The following CDC16 variants were observed in gnomAD, a reference collection of about 807,000 sequenced individuals.
The protein encoded by CDC16 is cell division cycle 16, also known as cell division cycle protein 16 homolog.
Under a neutral mutation model 87.0 loss-of-function variants are expected in CDC16, and 34 were observed. The observed-to-expected ratio is 0.39, with a 90% CI of 0.30 to 0.52. CDC16 has a LOEUF of 0.52. Among genes scored for constraint, CDC16 ranks in the 20% least tolerant of loss-of-function variants. CDC16 has a pLI of 0.74. For missense variants in CDC16, 653 were observed against 751.9 expected, an observed-to-expected ratio of 0.87 and a Z score of 1.54; for synonymous variants, 263 against 260.6, an observed-to-expected ratio of 1.01 and a Z score of -0.09.
intron 11 of CDC16, among the ~76,000 whole-genome samples, chr13:114,249,836 A>G (rs1180325257): frequency 6.6e-6 from 1 of 152,206 alleles, no homozygotes; most frequent in Admixed American, 6.5e-5. Flanking sequence ...TAGAATGCTA[A>G]TGGGTTTTGC....
chr13:114,259,051 A>G lies in CDC16; in HGVS notation c.1251-284A>G, dbSNP rs574110696. Among the ~76,000 whole-genome samples, 15 of 150,832 alleles carry G rather than the reference A, an allele frequency of 9.9e-5. No individual in the cohort carries two copies. In the East Asian group the frequency reaches 2.2e-3, roughly 22 times the overall value. On this transcript the variant is annotated intron_variant, in intron 13 of 17. Transcript: ENST00000356221. ...GAGGCAGAGGCTGCAGTGAGCTGAG[A>G]TCGCACCACTGCACTCCAGCCTAGG... is the stretch of plus-strand genomic sequence containing the variant.
At chr13:114,263,162 C>G (rs1050430217) in intron 16 of CDC16, 148 bp downstream of exon 16, 1 of 695,612 alleles carries the variant, frequency 1.4e-6, no homozygotes, top group African/African-American at 1.8e-5. Context: ...CAGAGAAAAG[C>G]ATGTGGGTGT....
chr13:114,245,538 G>A (rs1410191726), intron 9 of CDC16, among the ~76,000 whole-genome samples: 1 of 152,202 alleles, frequency 6.6e-6, no homozygotes, highest in Non-Finnish European at 1.5e-5. Flanking sequence ...GGTTGGAAAT[G>A]CAGCATCTCC....
intron 17 of CDC16, among the ~76,000 whole-genome samples, chr13:114,270,914 C>G (rs923505342): frequency 9.9e-6 from 1 of 101,140 alleles, no homozygotes; most frequent in Non-Finnish European, 1.9e-5. Context: ...AGAGATTTAC[C>G]TTTTTTTTTT....
At chr13:114,235,238 TG>T in intron 1 of CDC16, 106 bp downstream of exon 1, 1 of 798,112 alleles carries the variant, frequency 1.3e-6, no homozygotes, top group Middle Eastern at 3.0e-4. Flanking sequence ...GGGGAAGGAC[TG>T]GGCCGGCCCT....
chr13:114,260,882 T>C (rs1371279610), intron 14 of CDC16, among the ~76,000 whole-genome samples: 1 of 152,218 alleles, frequency 6.6e-6, no homozygotes, highest in African/African-American at 2.4e-5. Context: ...AGTTGACATA[T>C]ATTTAATGAG....
rs2083718672 is a variant in CDC16, at chr13:114,272,070, TTTA to T, written c.1604-111_1604-109del. 4 of 596,184 alleles carry T rather than the reference TTTA, an allele frequency of 6.7e-6. No individual in the cohort carries two copies. In the South Asian group the frequency reaches 8.9e-5, roughly 13 times the overall value. 36.9% of individuals were successfully genotyped at this position (596,184 alleles called of 1,614,324 possible). A position where few individuals can be genotyped will look rare whatever the true frequency, so the allele number is the denominator to read the frequency against. On this transcript the variant is annotated intron_variant, in intron 17 of 17. Transcript: ENST00000356221. ...AATGATAAATGATGGAGTTTTGTAT[TTTA>T]TTCTAAATAGTATAATCTGACTTAA...
intron 11 of CDC16, chr13:114,247,237 G>GC: frequency 2.0e-6 from 1 of 492,392 alleles, no homozygotes; most frequent in South Asian, 2.4e-5. Context: ...GAGTGCAGTG[G>GC]TGCAATAATA....
intron 5 of CDC16, 63 bp from the exon 6 acceptor site, chr13:114,242,058 G>GAAA: frequency 4.2e-6 from 5 of 1,197,288 alleles, no homozygotes; most frequent in East Asian, 2.9e-5. Context: ...CCTCTAAGGA[G>GAAA]AAAAAAAAAA....
chr13:114,271,703 G>A (rs1459570284), intron 17 of CDC16, among the ~76,000 whole-genome samples: 2 of 151,644 alleles, frequency 1.3e-5, no homozygotes, highest in African/African-American at 2.4e-5. Context: ...GGATGGTCTC[G>A]ATCTCCTGAC....
At chr13:114,260,450 T>A (rs2082771615) in intron 14 of CDC16, among the ~76,000 whole-genome samples, 1 of 152,202 alleles carries the variant, frequency 6.6e-6, no homozygotes, top group South Asian at 2.1e-4. Flanking sequence ...AGCATCAGCA[T>A]CACCTAGAAG....
chr13:114,261,808 C>T (rs939763507), intron 14 of CDC16, 79 bp from the exon 15 acceptor site: 39 of 947,176 alleles, frequency 4.1e-5, no homozygotes, highest in South Asian at 3.4e-4. Flanking sequence ...GCTTGCAAGG[C>T]GTGAAATAAT....
At chr13:114,243,162 T>C in intron 6 of CDC16, 95 bp from the exon 7 acceptor site, 1 of 681,474 alleles carries the variant, frequency 1.5e-6, no homozygotes, top group Non-Finnish European at 2.7e-6. Context: ...TTGATTTACT[T>C]AGACCAAGAA....
In CDC16 at chr13:114,272,309, G is replaced by A; in HGVS notation, c.1729G>A (p.Glu577Lys). Reference protein sequence around the residue: ...EFEVEKQTAEETGLTPLETSR... With the variant: ...EFEVEKQTAEKTGLTPLETSR... The stretch of plus-strand genomic sequence containing the variant: ...TGAAGTAGAAAAACAGACTGCAGAA[G>A]AAACGGGGCTTACGCCATTGGAAAC... The change falls in exon 18 of 18, where the codon GAA becomes AAA. Residue 577 changes from glutamate to lysine, a missense_variant. Coordinates refer to ENST00000356221, the MANE Select transcript of CDC16 (RefSeq NM_001078645.3). 1.9e-6 allele frequency: 3 copies of A among 1,614,254 alleles called. No individual in the cohort carries two copies. Among genetic ancestry groups the A allele is most frequent in the Non-Finnish European group, 2.5e-6 (3 of 1,180,030 alleles).
At chr13:114,249,055 A>G (rs2082019692) in intron 11 of CDC16, among the ~76,000 whole-genome samples, 1 of 151,948 alleles carries the variant, frequency 6.6e-6, no homozygotes, top group South Asian at 2.1e-4. Context: ...ATTGTAGCAT[A>G]TAATGAAATA....
At chr13:114,239,266 T>G in intron 4 of CDC16, 84 bp from the exon 5 acceptor site, 1 of 1,523,376 alleles carries the variant, frequency 6.6e-7, no homozygotes, top group Non-Finnish European at 8.9e-7. Flanking sequence ...ATGGGCATAG[T>G]ATATGTTATC....
In CDC16 at chr13:114,250,590, T is replaced by G. The variant is rs1244872760; in HGVS notation, c.1013T>G (p.Ile338Arg). 6.2e-7 allele frequency: 1 copy of G among 1,613,910 alleles called. No homozygotes were observed. The highest frequency in any genetic ancestry group is 1.3e-5 in the African/African-American group (1 of 74,890). The stretch of plus-strand genomic sequence containing the variant: ...GAGAAAACCTATGGACCTGCATGGA[T>G]AGCCTATGGACATTCATTTGCGGTG... Reference protein sequence around the residue: ...TLEKTYGPAWIAYGHSFAVES... With the variant: ...TLEKTYGPAWRAYGHSFAVES... Residue 338 changes from isoleucine to arginine, a missense_variant, in exon 12 of 18, where the codon ATA (isoleucine) becomes AGA (arginine). Ile to Arg is a moderately conservative substitution (Grantham distance 97). Coordinates refer to ENST00000356221, the MANE Select transcript of CDC16 (RefSeq NM_001078645.3).
At chr13:114,260,084 C>G (rs901251900) in intron 14 of CDC16, among the ~76,000 whole-genome samples, 3 of 152,132 alleles carry the variant, frequency 2.0e-5, no homozygotes, top group African/African-American at 7.2e-5. Context: ...TTGTTTCATT[C>G]TATTCTGATT....
Position 114,239,403 on chromosome 13 carries a change from C to T in CDC16, c.294C>T (p.Pro98=). 6.2e-7 allele frequency: 1 copy of T among 1,613,070 alleles called. No individual in the cohort carries two copies. Among genetic ancestry groups the T allele is most frequent in the Non-Finnish European group, 8.5e-7 (1 of 1,179,200 alleles). Residue 98 remains proline (P), a synonymous_variant, in exon 5 of 18, where the codon CCC becomes CCT. Transcript: ENST00000356221. The part of the protein sequence containing the change: ...QALDVLDMEE[P]INKRLFEKYL... The stretch of plus-strand genomic sequence containing the variant: ...TTGATGTTCTTGACATGGAAGAGCC[C>T]ATCAATAAAAGATTATTTGAAAAAT...
Sources: gnomAD v4.1 joint callset for allele counts (sites outside exome capture counted in the v4.1 genomes callset) on GRCh38, gnomAD v4.1.1 for gene constraint, MANE v1.5 for transcripts, NCBI Gene and HGNC (gene_info 2026-07-23, HGNC 2026-07-21) for gene names.